Variants in CREB5 observed in about 807,000 individuals in gnomAD.
The protein encoded by CREB5 is cyclic AMP-responsive element-binding protein 5.
Under a neutral mutation model 57.1 loss-of-function variants are expected in CREB5, and 19 were observed. The observed-to-expected ratio is 0.33, with a 90% CI of 0.23 to 0.49. CREB5 has a LOEUF of 0.49. CREB5 is among the 20% of genes least tolerant of loss of function. The pLI, the probability that CREB5 is intolerant of heterozygous loss-of-function variation, is 0.99. For missense variants in CREB5, 579 were observed against 671.6 expected (o/e 0.86, Z 1.52); for synonymous variants, 238 against 238.3 (o/e 1.00, Z 0.01).
chr7:28,560,967 TGTGTGC>T (rs1562798163), intron 4 of CREB5, among the ~76,000 whole-genome samples: 4 of 30,372 alleles, frequency 1.3e-4, no homozygotes, highest in African/African-American at 3.8e-4. Flanking sequence ...TGTGCGTGTG[TGTGTGC>T]GTGTGTGCGT....
intron 7 of CREB5, among the ~76,000 whole-genome samples, chr7:28,790,684 C>T (rs1435670477): frequency 1.1e-4 from 17 of 152,226 alleles, no homozygotes; most frequent in Admixed American, 1.1e-3. Flanking sequence ...ACGTTTCAAT[C>T]GAAACCCAGA....
chr7:28,675,064 T>A (rs1800250359), intron 5 of CREB5, among the ~76,000 whole-genome samples: 1 of 152,240 alleles, frequency 6.6e-6, no homozygotes, highest in Admixed American at 6.5e-5. Flanking sequence ...TGTAGCCATA[T>A]GTGGCTCCTT....
rs187865638 is a variant in CREB5 at position 28,705,352 on chromosome 7, G to A, written c.465-13401G>A. Among the ~76,000 whole-genome samples the A allele has an allele frequency of 4.2e-3, 568 of 134,328 alleles. 1 individual carries two copies. Among genetic ancestry groups the A allele is most frequent in the African/African-American group, 0.016 (546 of 34,566 alleles). The allele number at this position is 134,328 out of a possible 152,430, so 88.1% of individuals were successfully genotyped here. A position where few individuals can be genotyped will look rare whatever the true frequency, so the allele number is the denominator to read the frequency against. ...TGCACTCCAGCCTGGGTGACAGAGT[G>A]AGACTCTGACTCAAAAAAAAAAAAA... On this transcript the variant is annotated intron_variant, in intron 5 of 10. Transcript: ENST00000357727.
At chr7:28,573,852 A>C (rs1161248371) in intron 5 of CREB5, among the ~76,000 whole-genome samples, 3 of 152,228 alleles carry the variant, frequency 2.0e-5, no homozygotes, top group Non-Finnish European at 4.4e-5. Flanking sequence ...CAAAAATCCA[A>C]AGAAGTAATG....
intron 1 of CREB5, among the ~76,000 whole-genome samples, chr7:28,417,520 C>A (rs1788076084): frequency 6.6e-6 from 1 of 152,044 alleles, no homozygotes; most frequent in African/African-American, 2.4e-5. Flanking sequence ...TCCTGGCAGC[C>A]CAGTAGTACC....
At chr7:28,688,434 A>C (rs1052266301) in intron 5 of CREB5, among the ~76,000 whole-genome samples, 1 of 152,232 alleles carries the variant, frequency 6.6e-6, no homozygotes, top group Non-Finnish European at 1.5e-5. Context: ...CAATGAATTT[A>C]TTCCCCCAAA....
intron 1 of CREB5, among the ~76,000 whole-genome samples, chr7:28,329,946 T>G (rs1035715403): frequency 5.3e-5 from 8 of 152,216 alleles, no homozygotes; most frequent in African/African-American, 1.9e-4. Context: ...GTGGAGCTGT[T>G]TTCTCTTAAG....
At chr7:28,395,383 A>G (rs1271054157) in intron 1 of CREB5, among the ~76,000 whole-genome samples, 1 of 152,236 alleles carries the variant, frequency 6.6e-6, no homozygotes, top group African/African-American at 2.4e-5. Flanking sequence ...CAGTAGGTGA[A>G]GATGAATATT....
At chr7:28,608,153 ACACT>A (rs1797235543) in intron 5 of CREB5, among the ~76,000 whole-genome samples, 1 of 146,516 alleles carries the variant, frequency 6.8e-6, no homozygotes, top group African/African-American at 2.5e-5. Context: ...ACACACACAC[ACACT>A]CTCAAACTTT....
chr7:28,422,802 T>C (rs1788327190), intron 1 of CREB5, among the ~76,000 whole-genome samples: 1 of 152,190 alleles, frequency 6.6e-6, no homozygotes, highest in South Asian at 2.1e-4. Context: ...TGGATTCTCA[T>C]TTATGTTTCT....
At chr7:28,366,960 G>A (rs377414292) in intron 1 of CREB5, among the ~76,000 whole-genome samples, 11 of 152,280 alleles carry the variant, frequency 7.2e-5, no homozygotes, top group African/African-American at 2.2e-4. Context: ...ACATTCTGAG[G>A]CTGAAAGGGT....
chr7:28,609,335 T>C (rs1472014985), intron 5 of CREB5, among the ~76,000 whole-genome samples: 1 of 152,146 alleles, frequency 6.6e-6, no homozygotes, highest in African/African-American at 2.4e-5. Flanking sequence ...CTTTGTCTTG[T>C]TGAATTTCTG....
At position 28,412,853 on chromosome 7, in the gene CREB5, A is replaced by G; in HGVS notation, c.-62A>G. On this transcript the variant is annotated 5_prime_UTR_variant, in exon 1 of 11. Coordinates refer to ENST00000357727, the MANE Select transcript of CREB5 (RefSeq NM_182898.4). ...AAACAGAAGTTACTAGAAAGAAAGGAAGAAAAAACTTGATTTGGTGACTGC... is the reference window on the plus strand; with the variant it reads ...AAACAGAAGTTACTAGAAAGAAAGGGAGAAAAAACTTGATTTGGTGACTGC... 7.0e-7 allele frequency: 1 copy of G among 1,435,140 alleles called. No homozygotes were observed. The highest frequency in any genetic ancestry group is 9.2e-7 in the Non-Finnish European group (1 of 1,084,946). 88.9% of individuals were successfully genotyped at this position (1,435,140 alleles called of 1,614,324 possible). A position where few individuals can be genotyped will look rare whatever the true frequency, so the allele number is the denominator to read the frequency against.
At chr7:28,466,299 A>T (rs1790566100) in intron 1 of CREB5, among the ~76,000 whole-genome samples, 1 of 151,938 alleles carries the variant, frequency 6.6e-6, no homozygotes, top group South Asian at 2.1e-4. Context: ...TCTCCAAGAT[A>T]ATGTCCTATC....
intron 5 of CREB5, among the ~76,000 whole-genome samples, chr7:28,663,096 G>T (rs1356501579): frequency 6.6e-6 from 1 of 151,188 alleles, no homozygotes; most frequent in Non-Finnish European, 1.5e-5. Context: ...AGTGAGCCGA[G>T]ATCGCACCAC....
chr7:28,423,547 T>C lies in CREB5; in HGVS notation c.3+10630T>C, dbSNP rs75682841. ...AGGCAAGAGCAGTATGACTTGGGGATTGATTAACTGGAAGATGAGGGGTCC... is the reference window on the plus strand; with the variant it reads ...AGGCAAGAGCAGTATGACTTGGGGACTGATTAACTGGAAGATGAGGGGTCC... On this transcript the variant is annotated intron_variant, in intron 1 of 10. Transcript: ENST00000357727. 1.9e-3 allele frequency among the ~76,000 whole-genome samples: 282 copies of C among 151,206 alleles called. 9 individuals are homozygous for C. The East Asian group carries it at 0.049, about 26-fold the overall frequency.
Position 28,804,463 on chromosome 7 carries a change from C to T in CREB5, c.967C>T (p.His323Tyr), listed in dbSNP as rs762619675. The T allele has an allele frequency of 1.2e-6, 2 of 1,614,190 alleles. No homozygotes were observed. The highest frequency in any genetic ancestry group is 1.7e-6 in the Non-Finnish European group (2 of 1,180,024). The change falls in exon 8 of 11, where the codon CAC (histidine) becomes TAC (tyrosine). Residue 323 changes from histidine to tyrosine, a missense_variant. His to Tyr is a moderately conservative substitution (Grantham distance 83). Transcript: ENST00000357727. The stretch of plus-strand genomic sequence containing the variant: ...CCACTCCCATTCCCACCTTCATGCA[C>T]ACCCAGCACATCACCAGACCTCGCC... The part of the protein sequence containing the change: ...HHHSHSHLHA[H>Y]PAHHQTSPHP...
At chr7:28,392,239 A>G (rs1183732073) in intron 1 of CREB5, among the ~76,000 whole-genome samples, 1 of 152,140 alleles carries the variant, frequency 6.6e-6, no homozygotes, top group African/African-American at 2.4e-5. Context: ...GTTTGTCTAT[A>G]TGACAAACCT....
intron 7 of CREB5, among the ~76,000 whole-genome samples, chr7:28,802,524 A>G (rs965859380): frequency 3.3e-5 from 5 of 152,264 alleles, no homozygotes; most frequent in African/African-American, 1.2e-4. Flanking sequence ...GAATCAGATA[A>G]GAACACAAAT....
Sources: allele counts gnomAD v4.1 joint callset (sites outside exome capture counted in the v4.1 genomes callset), GRCh38; gene constraint gnomAD v4.1.1; transcripts MANE v1.5; gene names NCBI Gene and HGNC (gene_info 2026-07-23, HGNC 2026-07-21).